The following LRCH1 variants were observed in gnomAD, a reference collection of about 807,000 sequenced individuals.
LRCH1 encodes the protein leucine rich repeats and calponin homology domain containing 1.
Under a neutral mutation model 94.9 loss-of-function variants are expected in LRCH1, and 23 were observed. That is an observed-to-expected ratio of 0.24 (90% CI 0.17 to 0.34). LRCH1 has a LOEUF of 0.34. LRCH1 is among the 10% of genes least tolerant of loss of function. The pLI is 1.00. For synonymous variants in LRCH1, 364 were observed against 354.9 expected, an observed-to-expected ratio of 1.03 and a Z score of -0.29; for missense variants, 790 against 945.9, an observed-to-expected ratio of 0.84 and a Z score of 2.16.
At chr13:46,553,824 C>A in intron 1 of LRCH1, 121 bp downstream of exon 1, 1 of 1,515,084 alleles carries the variant, frequency 6.6e-7, no homozygotes, top group Non-Finnish European at 8.9e-7. Context: ...GTCCATCGGC[C>A]CGTTGTCTCC....
At chr13:46,735,389 C>T (rs1320969177) in intron 19 of LRCH1, among the ~76,000 whole-genome samples, 1 of 152,198 alleles carries the variant, frequency 6.6e-6, no homozygotes, top group Non-Finnish European at 1.5e-5. Context: ...TTATTTGTGT[C>T]TGTGCTAGAA....
At chr13:46,640,913 A>G (rs1172423431) in intron 1 of LRCH1, among the ~76,000 whole-genome samples, 3 of 152,190 alleles carry the variant, frequency 2.0e-5, no homozygotes, top group Non-Finnish European at 4.4e-5. Flanking sequence ...TTCTTTGTTG[A>G]TCTCTTAAGA....
At chr13:46,661,717 C>T (rs1317086586) in intron 2 of LRCH1, among the ~76,000 whole-genome samples, 1 of 152,192 alleles carries the variant, frequency 6.6e-6, no homozygotes, top group East Asian at 1.9e-4. Context: ...GCATGTTCCA[C>T]ATTCAAACAT....
chr13:46,721,590 C>G (rs948545693), intron 16 of LRCH1, among the ~76,000 whole-genome samples: 3 of 152,206 alleles, frequency 2.0e-5, no homozygotes, highest in African/African-American at 7.2e-5. Context: ...TGTCCTTTTA[C>G]TGACCTTGGC....
At chr13:46,727,901 A>ATTTCTTTCTTTCTTTCTTTC (rs71077919) in intron 17 of LRCH1, among the ~76,000 whole-genome samples, 1 of 148,546 alleles carries the variant, frequency 6.7e-6, no homozygotes, top group African/African-American at 2.5e-5. Flanking sequence ...AGAGAAAAAC[A>ATTTCTTTCTTTCTTTCTTTC]TTTCTTTCTT....
At chr13:46,721,736 C>T (rs1370103239) in intron 16 of LRCH1, among the ~76,000 whole-genome samples, 2 of 152,202 alleles carry the variant, frequency 1.3e-5, no homozygotes, top group African/African-American at 2.4e-5. Context: ...GGCCCCAGGC[C>T]ACAAGCTGAC....
chr13:46,741,558 G>A, intron 19 of LRCH1, 84 bp from the exon 20 acceptor site: 1 of 1,564,164 alleles, frequency 6.4e-7, no homozygotes, highest in East Asian at 2.3e-5. Context: ...AACCAAAAAT[G>A]TGTGCTTCTT....
chr13:46,692,527 T>C lies in LRCH1; in HGVS notation c.1015-9T>C, dbSNP rs1436294690. The stretch of plus-strand genomic sequence containing the variant: ...CTCTTGAGTTAAACAGTGCACTGTA[T>C]CTTTTTAGCCTTCTGACGAAGACAC... On this transcript the variant is annotated splice_polypyrimidine_tract_variant and intron_variant, in intron 7 of 19. Coordinates refer to ENST00000389797, the MANE Select transcript of LRCH1 (RefSeq NM_001164211.2). 1 of 1,603,080 alleles carries C rather than the reference T, an allele frequency of 6.2e-7. No homozygotes were observed.
chr13:46,590,424 G>A (rs1374500090), intron 1 of LRCH1, among the ~76,000 whole-genome samples: 1 of 152,212 alleles, frequency 6.6e-6, no homozygotes, highest in Admixed American at 6.5e-5. Flanking sequence ...GCTGCTGACA[G>A]CAGGGAGGTG....
intron 1 of LRCH1, among the ~76,000 whole-genome samples, chr13:46,569,254 G>T (rs1483986483): frequency 1.3e-5 from 2 of 152,100 alleles, no homozygotes; most frequent in Non-Finnish European, 2.9e-5. Flanking sequence ...CATTTGTTGC[G>T]CACCTACTGG....
At chr13:46,671,858 T>C (rs1401965022) in intron 3 of LRCH1, among the ~76,000 whole-genome samples, 1 of 152,214 alleles carries the variant, frequency 6.6e-6, no homozygotes, top group East Asian at 1.9e-4. Flanking sequence ...ACAATCTCTC[T>C]GTCATCAACG....
intron 1 of LRCH1, among the ~76,000 whole-genome samples, chr13:46,609,317 T>C (rs1393744185): frequency 6.6e-6 from 1 of 152,206 alleles, no homozygotes; most frequent in Non-Finnish European, 1.5e-5. Context: ...CATTCTTCAT[T>C]CTTAGGGAGT....
intron 19 of LRCH1, among the ~76,000 whole-genome samples, chr13:46,736,740 A>G (rs1053890916): frequency 6.6e-6 from 1 of 152,008 alleles, no homozygotes; most frequent in Non-Finnish European, 1.5e-5. Flanking sequence ...CTACTTCTCC[A>G]TCTATAACTT....
In LRCH1 at chr13:46,711,678, T is replaced by C. The variant is rs1566242900; in HGVS notation, c.1528-113T>C. The C allele has an allele frequency of 2.2e-5, 15 of 667,734 alleles. 1 individual carries two copies. The South Asian group carries it at 3.2e-4, about 14-fold the overall frequency. 41.4% of individuals were successfully genotyped at this position (667,734 alleles called of 1,614,324 possible). A position where few individuals can be genotyped will look rare whatever the true frequency, so the allele number is the denominator to read the frequency against. ...CACTAACTAATTAATTCAACAGATA[T>C]TCATTGTGCACCTATGGACCGGGGA... On this transcript the variant is annotated intron_variant, in intron 13 of 19. Transcript: ENST00000389797.
intron 2 of LRCH1, among the ~76,000 whole-genome samples, chr13:46,663,141 T>A (rs76097241): frequency 6.6e-6 from 1 of 152,322 alleles, no homozygotes; most frequent in African/African-American, 2.4e-5. Flanking sequence ...GGCTCCCAGA[T>A]TTAATATACA....
downstream of LRCH1, among the ~76,000 whole-genome samples, chr13:46,748,664 C>T (rs1256449244): frequency 1.3e-5 from 2 of 152,224 alleles, no homozygotes; most frequent in African/African-American, 2.4e-5. Flanking sequence ...ACTCCCCCAT[C>T]CTTTCTCAGG....
chr13:46,558,022 G>C (rs1304843893), intron 1 of LRCH1, among the ~76,000 whole-genome samples: 2 of 151,844 alleles, frequency 1.3e-5, no homozygotes, highest in Admixed American at 1.3e-4. Flanking sequence ...ACGTGACAGA[G>C]TGAGACCCTG....
intron 1 of LRCH1, among the ~76,000 whole-genome samples, chr13:46,566,519 A>G (rs1174001965): frequency 6.6e-6 from 1 of 152,188 alleles, no homozygotes; most frequent in Non-Finnish European, 1.5e-5. Context: ...TTCTCAGAAC[A>G]CCCTTGTGAG....
intron 1 of LRCH1, among the ~76,000 whole-genome samples, chr13:46,603,045 C>T (rs979257742): frequency 6.6e-6 from 1 of 151,972 alleles, no homozygotes; most frequent in Non-Finnish European, 1.5e-5. Flanking sequence ...AGATAAATGG[C>T]TGTATCTTTA....
Sources: allele counts gnomAD v4.1 joint callset (sites outside exome capture counted in the v4.1 genomes callset), GRCh38; gene constraint gnomAD v4.1.1; transcripts MANE v1.5; gene names NCBI Gene and HGNC (gene_info 2026-07-23, HGNC 2026-07-21).